Variants in ARMC9 observed in about 807,000 individuals in gnomAD.
The protein encoded by ARMC9 is armadillo repeat containing 9, also known as lisH domain-containing protein ARMC9.
In ARMC9, 94 loss-of-function variants were observed where a neutral mutation model predicts 107.0. The observed-to-expected ratio is 0.88, with a 90% CI of 0.74 to 1.04. The LOEUF is 1.04. Among genes scored for constraint, ARMC9 ranks in the 50% least tolerant of loss-of-function variants. The probability of loss-of-function intolerance (pLI) is 0.00; values close to 1 mark genes in which losing one functional copy is unlikely to be tolerated. For missense variants in ARMC9, 942 were observed against 1,030.1 expected (o/e 0.91, Z 1.17); for synonymous variants, 380 against 396.9 (o/e 0.96, Z 0.51).
chr2:231,232,970 C>T (rs1559325663), intron 7 of ARMC9, among the ~76,000 whole-genome samples: 1 of 152,234 alleles, frequency 6.6e-6, no homozygotes, highest in South Asian at 2.1e-4. Context: ...CCTGCCTCAG[C>T]CTACTGAGTA....
chr2:231,351,831 CAAA>C (rs887668725), intron 21 of ARMC9, among the ~76,000 whole-genome samples: 17 of 151,430 alleles, frequency 1.1e-4, no homozygotes, highest in African/African-American at 3.9e-4. Context: ...GTAACTAAAA[CAAA>C]AAAAAATTAT....
intron 11 of ARMC9, among the ~76,000 whole-genome samples, chr2:231,261,383 A>G (rs2038325279): frequency 6.6e-6 from 1 of 152,174 alleles, no homozygotes; most frequent in Non-Finnish European, 1.5e-5. Flanking sequence ...AAAATCTACA[A>G]AATTCTAGCC....
intron 20 of ARMC9, 26 bp downstream of exon 20, chr2:231,331,923 TC>T (rs1313721815): frequency 2.5e-6 from 4 of 1,575,594 alleles, no homozygotes; most frequent in Non-Finnish European, 3.5e-6. Flanking sequence ...AGGGTGGGGA[TC>T]CTGAAACAGA....
chr2:231,271,746 T>C (rs534770927), intron 13 of ARMC9, among the ~76,000 whole-genome samples: 4 of 152,376 alleles, frequency 2.6e-5, no homozygotes, highest in South Asian at 2.1e-4. Flanking sequence ...ACCATTCATA[T>C]AATAATACTG....
intron 9 of ARMC9, among the ~76,000 whole-genome samples, chr2:231,243,283 C>G (rs1488864163): frequency 2.0e-5 from 3 of 150,274 alleles, no homozygotes; most frequent in Non-Finnish European, 3.0e-5. Flanking sequence ...CTTGGTGGTG[C>G]GTGGCTGTAG....
chr2:231,234,450 C>G (rs2035527138), intron 7 of ARMC9, among the ~76,000 whole-genome samples: 1 of 152,108 alleles, frequency 6.6e-6, no homozygotes, highest in Admixed American at 6.6e-5. Flanking sequence ...CTTGTTTTTC[C>G]TAGCAGGAGT....
At chr2:231,339,391 AAAT>A (rs2044353597) in intron 20 of ARMC9, among the ~76,000 whole-genome samples, 1 of 152,196 alleles carries the variant, frequency 6.6e-6, no homozygotes, top group Admixed American at 6.5e-5. Context: ...CACCTGTAGA[AAAT>A]AATAAAAAAT....
At chr2:231,249,773 C>T (rs190067323) in intron 9 of ARMC9, among the ~76,000 whole-genome samples, 2 of 152,028 alleles carry the variant, frequency 1.3e-5, no homozygotes, top group Admixed American at 1.3e-4. Flanking sequence ...CTGCATTTGA[C>T]CCAGACATCT....
At chr2:231,367,437 TG>T (rs1431528426) in intron 23 of ARMC9, among the ~76,000 whole-genome samples, 1 of 152,148 alleles carries the variant, frequency 6.6e-6, no homozygotes, top group East Asian at 1.9e-4. Context: ...CCTCCAACCC[TG>T]GGGGACCCTG....
intron 20 of ARMC9, among the ~76,000 whole-genome samples, chr2:231,339,327 T>G (rs1304589528): frequency 6.6e-6 from 1 of 150,714 alleles, no homozygotes; most frequent in Non-Finnish European, 1.5e-5. Context: ...AGACTCTGTC[T>G]TGTGAAAAAA....
chr2:231,210,731 A>T (rs886922905), intron 3 of ARMC9, among the ~76,000 whole-genome samples: 10 of 152,232 alleles, frequency 6.6e-5, no homozygotes, highest in African/African-American at 9.6e-5. Flanking sequence ...GAGAACACTC[A>T]AATGTCTCTT....
chr2:231,199,501 C>G (rs946627859), intron 1 of ARMC9, among the ~76,000 whole-genome samples: 1 of 152,184 alleles, frequency 6.6e-6, no homozygotes, highest in African/African-American at 2.4e-5. Flanking sequence ...CTTACTGTGG[C>G]TGTTGGGAGT....
intron 20 of ARMC9, among the ~76,000 whole-genome samples, chr2:231,337,953 G>A (rs79736999): frequency 0.039 from 5,988 of 152,228 alleles, 151 homozygotes; most frequent in African/African-American, 0.055. Context: ...TTCCTTATCA[G>A]TTAGGATTGG....
At chr2:231,254,654 A>T (rs1262200987) in intron 9 of ARMC9, among the ~76,000 whole-genome samples, 2 of 141,624 alleles carry the variant, frequency 1.4e-5, no homozygotes, top group Admixed American at 7.0e-5. Context: ...CCCTATCTAT[A>T]AAAAAAAAAA....
At chr2:231,341,936 T>C (rs1160165822) in intron 20 of ARMC9, among the ~76,000 whole-genome samples, 1 of 152,230 alleles carries the variant, frequency 6.6e-6, no homozygotes, top group Non-Finnish European at 1.5e-5. Flanking sequence ...AGCCGGGTTC[T>C]CTGAATGAGT....
chr2:231,234,081 C>T (rs2035491508), intron 7 of ARMC9, among the ~76,000 whole-genome samples: 1 of 152,150 alleles, frequency 6.6e-6, no homozygotes, highest in Non-Finnish European at 1.5e-5. Context: ...TTTAAAATAT[C>T]TCTCCATATC....
intron 20 of ARMC9, among the ~76,000 whole-genome samples, chr2:231,332,626 AT>A (rs1370984370): frequency 6.6e-6 from 1 of 152,100 alleles, no homozygotes; most frequent in Middle Eastern, 3.2e-3. Context: ...ATAGGGCAGG[AT>A]GTGAGTCAGG....
chr2:231,245,673 TTTTC>T (rs2036695566), intron 9 of ARMC9, among the ~76,000 whole-genome samples: 5 of 152,350 alleles, frequency 3.3e-5, no homozygotes, highest in South Asian at 4.1e-4. Context: ...TGTGTGTATA[TTTTC>T]TTTATCTTCT....
intron 5 of ARMC9, among the ~76,000 whole-genome samples, chr2:231,221,141 G>C (rs1191642994): frequency 6.6e-6 from 1 of 152,194 alleles, no homozygotes; most frequent in Non-Finnish European, 1.5e-5. Flanking sequence ...GGGCTATGCT[G>C]TCCCTGAATC....
Sources: allele counts gnomAD v4.1 joint callset (sites outside exome capture counted in the v4.1 genomes callset), GRCh38; gene constraint gnomAD v4.1.1; transcripts MANE v1.5; gene names NCBI Gene and HGNC (gene_info 2026-07-23, HGNC 2026-07-21).